Variants in RIMS2 observed in about 807,000 individuals in gnomAD.
The protein encoded by RIMS2 is regulating synaptic membrane exocytosis protein 2.
Under a neutral mutation model 174.4 loss-of-function variants are expected in RIMS2, and 59 were observed. The observed-to-expected ratio is 0.34, with a 90% confidence interval of 0.27 to 0.42. The LOEUF (loss-of-function observed/expected upper bound fraction) is 0.42, where lower values mean the gene tolerates loss of function less well. Ranked by LOEUF, RIMS2 falls within the 10% of genes least tolerant of loss-of-function variation. The probability of loss-of-function intolerance (pLI) is 1.00; values close to 1 mark genes in which losing one functional copy is unlikely to be tolerated. For synonymous variants in RIMS2, 606 were observed against 572.5 expected, an observed-to-expected ratio of 1.06 and a Z score of -0.84; for missense variants, 1,620 against 1,666.3, an observed-to-expected ratio of 0.97 and a Z score of 0.48.
chr8:103,732,447 C>CAT (rs2097613216), intron 2 of RIMS2, among the ~76,000 whole-genome samples: 1 of 152,146 alleles, frequency 6.6e-6, no homozygotes, highest in Non-Finnish European at 1.5e-5. Context: ...CACTGGTGAA[C>CAT]ATATCATCTA....
chr8:103,612,499 T>C (rs1335522520), intron 1 of RIMS2, among the ~76,000 whole-genome samples: 2 of 152,234 alleles, frequency 1.3e-5, no homozygotes, highest in African/African-American at 2.4e-5. Flanking sequence ...TCTTGCAGAC[T>C]CATACAGGTA....
At chr8:103,560,480 A>G (rs2091412582) in intron 1 of RIMS2, among the ~76,000 whole-genome samples, 1 of 152,250 alleles carries the variant, frequency 6.6e-6, no homozygotes. Context: ...TTATATAAAC[A>G]ATCTTCAGAA....
intron 19 of RIMS2, among the ~76,000 whole-genome samples, chr8:104,219,750 G>A (rs2099147007): frequency 6.6e-6 from 1 of 152,098 alleles, no homozygotes; most frequent in African/African-American, 2.4e-5. Flanking sequence ...AATACTGGAT[G>A]ATAATGATTC....
rs541674052 is a variant in RIMS2, at chr8:104,160,379, A to G, written c.3335-84537A>G. 1.3e-3 allele frequency among the ~76,000 whole-genome samples: 204 copies of G among 152,328 alleles called. 1 individual carries two copies. The highest frequency in any genetic ancestry group is 4.5e-3 in the African/African-American group (187 of 41,588). On this transcript the variant is annotated intron_variant, in intron 19 of 23. Transcript: ENST00000504942. ...TAACAATTTAATCTCTTTAGAGAAGATAACTTAAAACTGTATTCCCCAAGG... is the reference window on the plus strand; with the variant it reads ...TAACAATTTAATCTCTTTAGAGAAGGTAACTTAAAACTGTATTCCCCAAGG...
chr8:103,886,010 C>T (rs566248680), exon 4 of RIMS2: 4 of 1,612,706 alleles, frequency 2.5e-6, no homozygotes, highest in East Asian at 2.2e-5. Flanking sequence ...AAAAACAAAA[C>T]GGGAAAAAAT....
At chr8:103,896,209 T>A (rs1445335782) in intron 4 of RIMS2, among the ~76,000 whole-genome samples, 1 of 151,628 alleles carries the variant, frequency 6.6e-6, no homozygotes, top group African/African-American at 2.4e-5. Context: ...GGTTTTCTAT[T>A]TCTTACTGGG....
chr8:103,544,057 C>A lies in RIMS2; in HGVS notation c.176+42995C>A, dbSNP rs535200653. On this transcript the variant is annotated intron_variant, in intron 1 of 23. Coordinates refer to ENST00000504942, the Ensembl canonical transcript of RIMS2. The stretch of plus-strand genomic sequence containing the variant: ...AACCTACAGAGAAGATATTTGCAGA[C>A]CATACATCTGATAAGGGGTTAATAT... Among the ~76,000 whole-genome samples, 20 of 145,140 alleles carry A rather than the reference C, an allele frequency of 1.4e-4. No individual in the cohort carries two copies. The South Asian group carries it at 4.0e-3, about 29-fold the overall frequency.
intron 19 of RIMS2, among the ~76,000 whole-genome samples, chr8:104,065,874 C>T (rs1421764011): frequency 1.3e-5 from 2 of 152,060 alleles, no homozygotes; most frequent in African/African-American, 2.4e-5. Flanking sequence ...GGTTAGAAAG[C>T]TCTATTTGCA....
intron 1 of RIMS2, among the ~76,000 whole-genome samples, chr8:103,682,722 A>G (rs558905401): frequency 6.6e-6 from 1 of 152,232 alleles, no homozygotes; most frequent in Non-Finnish European, 1.5e-5. Context: ...AAAATTTTTT[A>G]AAAAAATCTT....
intron 19 of RIMS2, among the ~76,000 whole-genome samples, chr8:104,062,847 A>T (rs1453554448): frequency 6.6e-6 from 1 of 152,054 alleles, no homozygotes; most frequent in Non-Finnish European, 1.5e-5. Context: ...TTTTCTTAAA[A>T]GTTCATAAAA....
At chr8:103,645,210 G>C (rs896437032) in intron 1 of RIMS2, among the ~76,000 whole-genome samples, 4 of 151,952 alleles carry the variant, frequency 2.6e-5, no homozygotes, top group African/African-American at 9.7e-5. Flanking sequence ...ATGACATTTG[G>C]TGTTAAAATA....
intron 2 of RIMS2, among the ~76,000 whole-genome samples, chr8:103,706,978 A>G (rs1364215134): frequency 2.0e-5 from 3 of 151,518 alleles, no homozygotes; most frequent in African/African-American, 7.3e-5. Context: ...CATTTCTTTC[A>G]TTTATTTTCT....
intron 10 of RIMS2, among the ~76,000 whole-genome samples, chr8:103,923,721 T>C (rs1332043169): frequency 6.6e-6 from 1 of 151,782 alleles, no homozygotes; most frequent in Admixed American, 6.6e-5. Context: ...TTTGAAATTG[T>C]TCACACATAT....
intron 19 of RIMS2, among the ~76,000 whole-genome samples, chr8:104,037,260 A>G (rs1018786075): frequency 6.6e-6 from 1 of 152,088 alleles, no homozygotes; most frequent in Non-Finnish European, 1.5e-5. Flanking sequence ...CCTTCCCCCA[A>G]AGGAAACATT....
At chr8:104,080,921 AGGG>A in intron 19 of RIMS2, among the ~76,000 whole-genome samples, 1 of 152,222 alleles carries the variant, frequency 6.6e-6, no homozygotes, top group East Asian at 1.9e-4. Flanking sequence ...ATATGAAGGA[AGGG>A]ACTTTGGTGA....
At chr8:104,057,053 TTTTC>T (rs2096881464) in intron 19 of RIMS2, among the ~76,000 whole-genome samples, 1 of 147,776 alleles carries the variant, frequency 6.8e-6, no homozygotes, top group South Asian at 2.1e-4. Flanking sequence ...CCTTTTTTCT[TTTTC>T]TTTTTCTTTT....
chr8:103,884,966 A>G (rs963009531), intron 3 of RIMS2, among the ~76,000 whole-genome samples: 5 of 151,918 alleles, frequency 3.3e-5, no homozygotes, highest in Non-Finnish European at 7.4e-5. Context: ...GCTGAATAAT[A>G]GTTGGTGGGT....
chr8:104,014,830 A>G (rs1330867855), intron 19 of RIMS2, among the ~76,000 whole-genome samples: 1 of 152,146 alleles, frequency 6.6e-6, no homozygotes, highest in African/African-American at 2.4e-5. Flanking sequence ...GCTCTTGCAC[A>G]TTTTTAAATT....
chr8:103,507,768 A>G (rs975991413), intron 1 of RIMS2, among the ~76,000 whole-genome samples: 12 of 152,108 alleles, frequency 7.9e-5, no homozygotes, highest in African/African-American at 2.2e-4. Context: ...ATTAGGAATT[A>G]GGGAAAATTT....
Sources: gnomAD v4.1 joint callset for allele counts (sites outside exome capture counted in the v4.1 genomes callset) on GRCh38, gnomAD v4.1.1 for gene constraint, MANE v1.5 for transcripts, NCBI Gene and HGNC (gene_info 2026-07-23, HGNC 2026-07-21) for gene names.